RAB3GAP1: variants seen among roughly 807,000 people sequenced by gnomAD.
RAB3GAP1 encodes RAB3 GTPase activating protein catalytic subunit 1.
Under a neutral mutation model 130.7 loss-of-function variants are expected in RAB3GAP1, and 86 were observed. The ratio of observed to expected loss-of-function variants is 0.66; its 90% CI spans 0.55 to 0.79. The LOEUF is 0.79. RAB3GAP1 is among the 30% of genes least tolerant of loss of function. The pLI is 0.00. For synonymous variants in RAB3GAP1, 367 were observed against 401.7 expected (o/e 0.91, Z 1.03); for missense variants, 1,029 against 1,169.4 (o/e 0.88, Z 1.75).
rs1558766433 is a variant in RAB3GAP1, at chr2:135,081,330, ATATATATATATAT to A, written c.151-9667_151-9655del. 4.2e-3 allele frequency among the ~76,000 whole-genome samples: 314 copies of A among 75,426 alleles called. 3 individuals carry two copies. Among genetic ancestry groups the A allele is most frequent in the African/African-American group, 0.023 (284 of 12,288 alleles). The allele number at this position is 75,426 out of a possible 152,430, so 49.5% of individuals were successfully genotyped here. On this transcript the variant is annotated intron_variant, in intron 3 of 23. Transcript: ENST00000264158. ...TCAAAAAAAAAAAAAAAAAAAAAAT[ATATATATATATAT>A]ATATATATATATATATATACACACA...
At position 135,057,572 on chromosome 2, in the gene RAB3GAP1, A is replaced by G. The variant is rs184338334; in HGVS notation, c.75-439A>G. 7.5e-4 allele frequency among the ~76,000 whole-genome samples: 114 copies of G among 152,050 alleles called. 1 individual carries two copies. The East Asian group carries it at 0.019, about 25-fold the overall frequency. On this transcript the variant is annotated intron_variant, in intron 2 of 23. Transcript: ENST00000264158. ...ACCACACCGGGCTAATTTTTTTTGT[A>G]TTTGTGCTGGGCTGGTCTTGAACTC...
intron 17 of RAB3GAP1, among the ~76,000 whole-genome samples, chr2:135,139,298 T>C (rs1691770129): frequency 2.0e-5 from 3 of 152,126 alleles, no homozygotes. Flanking sequence ...CCCAGCACTT[T>C]GGGAGGCCAA....
chr2:135,162,528 C>G (rs763317931), intron 19 of RAB3GAP1, 27 bp from the exon 20 acceptor site: 2 of 1,576,360 alleles, frequency 1.3e-6, no homozygotes, highest in South Asian at 1.1e-5. Flanking sequence ...CTGCGCTGAT[C>G]ATTTGTGTGC....
At position 135,113,186 on chromosome 2, in the gene RAB3GAP1, C is replaced by G; in HGVS notation, c.398C>G (p.Ala133Gly). 2 of 1,614,110 alleles carry G rather than the reference C, an allele frequency of 1.2e-6. No individual in the cohort carries two copies. The highest frequency in any genetic ancestry group is 2.2e-5 in the East Asian group (1 of 44,880). ...GLREFVVIAPAAHSDAVLSES... is the reference protein window; with the variant it reads ...GLREFVVIAPGAHSDAVLSES... ...CGTGAGTTCGTGGTGATTGCCCCTG[C>G]TGCACACAGTGACGCTGTTCTCAGC... is the stretch of plus-strand genomic sequence containing the variant. Residue 133 changes from alanine (A) to glycine (G), a missense_variant, in exon 6 of 24, where the codon GCT (alanine) becomes GGT (glycine). This residue lies in a region of RAB3GAP1 where 510 missense variants were observed against 532.1 expected (regional missense o/e 0.96). Transcript: ENST00000264158.
chr2:135,074,610 G>A (rs146900775), intron 3 of RAB3GAP1, among the ~76,000 whole-genome samples: 4 of 152,256 alleles, frequency 2.6e-5, no homozygotes, highest in African/African-American at 9.6e-5. Context: ...GAGAGGGAAG[G>A]GAGACAGTAA....
intron 3 of RAB3GAP1, among the ~76,000 whole-genome samples, chr2:135,077,662 A>G (rs913138656): frequency 6.6e-6 from 1 of 152,238 alleles, no homozygotes; most frequent in Non-Finnish European, 1.5e-5. Context: ...GTAGCAGTTT[A>G]CATTCTCACC....
At position 135,162,792 on chromosome 2, in the gene RAB3GAP1, A is replaced by G. The variant is rs1313073659; in HGVS notation, c.2431A>G (p.Ile811Val). The G allele has an allele frequency of 6.2e-7, 1 of 1,613,808 alleles. No homozygotes were observed. Among genetic ancestry groups the G allele is most frequent in the Non-Finnish European group, 8.5e-7 (1 of 1,179,766 alleles). Reference sequence around the variant, plus strand: ...TTCAGTTAAGAAGATCATAAAGCAGATAATATCCCATTCCAGTAAAGTTTT... The same window carrying G: ...TTCAGTTAAGAAGATCATAAAGCAGGTAATATCCCATTCCAGTAAAGTTTT... ...ISSVKKIIKQIISHSSKVLHF... is the reference protein window; with the variant it reads ...ISSVKKIIKQVISHSSKVLHF... The change falls in exon 21 of 24, where the codon ATA becomes GTA. Residue 811 changes from isoleucine (I) to valine (V), a missense_variant. Ile to Val is a conservative substitution (Grantham distance 29). Coordinates refer to ENST00000264158, the MANE Select transcript of RAB3GAP1 (RefSeq NM_012233.3).
chr2:135,086,121 A>G (rs993384061), intron 3 of RAB3GAP1, among the ~76,000 whole-genome samples: 5 of 152,190 alleles, frequency 3.3e-5, no homozygotes, highest in Admixed American at 1.3e-4. Flanking sequence ...ACAGTACACT[A>G]TCCTTTCTCC....
At chr2:135,161,417 TAAACAG>T (rs2104995620) in intron 19 of RAB3GAP1, among the ~76,000 whole-genome samples, 1 of 152,212 alleles carries the variant, frequency 6.6e-6, no homozygotes, top group African/African-American at 2.4e-5. Flanking sequence ...CTGAGGGCTA[TAAACAG>T]AAACACTCCA....
At chr2:135,064,759 T>TG (rs1038058715) in intron 3 of RAB3GAP1, among the ~76,000 whole-genome samples, 4 of 150,854 alleles carry the variant, frequency 2.7e-5, no homozygotes, top group Non-Finnish European at 5.9e-5. Flanking sequence ...TGTTTTGTTT[T>TG]TTTTTTTTTT....
chr2:135,104,070 G>A (rs1385546981), intron 5 of RAB3GAP1, among the ~76,000 whole-genome samples: 1 of 152,224 alleles, frequency 6.6e-6, no homozygotes, highest in East Asian at 1.9e-4. Context: ...AGGCTCAGGT[G>A]TTTGGGCATG....
At chr2:135,118,971 G>A (rs1198357047) in intron 7 of RAB3GAP1, among the ~76,000 whole-genome samples, 1 of 152,092 alleles carries the variant, frequency 6.6e-6, no homozygotes, top group Non-Finnish European at 1.5e-5. Context: ...GGTTGTCAGT[G>A]CCGCCTTCCA....
At chr2:135,059,274 A>T (rs564839722) in intron 3 of RAB3GAP1, among the ~76,000 whole-genome samples, 73 of 152,280 alleles carry the variant, frequency 4.8e-4, no homozygotes, top group African/African-American at 1.7e-3. Flanking sequence ...TAGAGGCAAA[A>T]TAAGCTGGAT....
intron 9 of RAB3GAP1, 100 bp from the exon 10 acceptor site, chr2:135,126,081 C>G (rs1282365206): frequency 1.1e-6 from 1 of 885,064 alleles, no homozygotes; most frequent in Non-Finnish European, 1.8e-6. Context: ...AATAATGCCA[C>G]TGTAACATAC....
Position 135,116,020 on chromosome 2 carries a change from C to G in RAB3GAP1, c.648+639C>G, listed in dbSNP as rs144315567. ...GAATACCTCTAGAAAACAGAGAAAG[C>G]TAGATAACCAATAGTGGAAGGGATC... is the stretch of plus-strand genomic sequence containing the variant. On this transcript the variant is annotated intron_variant, in intron 7 of 23. Transcript: ENST00000264158. Among the ~76,000 whole-genome samples the G allele has an allele frequency of 1.6e-4, 24 of 152,210 alleles. No individual in the cohort carries two copies. The East Asian group carries it at 4.4e-3, about 28-fold the overall frequency.
intron 5 of RAB3GAP1, among the ~76,000 whole-genome samples, chr2:135,104,511 C>T (rs1366712148): frequency 6.6e-6 from 1 of 151,966 alleles, no homozygotes; most frequent in African/African-American, 2.4e-5. Context: ...CAAAGAAATA[C>T]TAACAGTGAG....
At chr2:135,123,633 C>G (rs1558787488) in intron 8 of RAB3GAP1, among the ~76,000 whole-genome samples, 1 of 152,124 alleles carries the variant, frequency 6.6e-6, no homozygotes, top group Admixed American at 6.5e-5. Context: ...CCTCTAAGTT[C>G]TCTTCCAGTC....
intron 17 of RAB3GAP1, among the ~76,000 whole-genome samples, chr2:135,138,187 A>C (rs1487224439): frequency 6.6e-6 from 1 of 151,868 alleles, no homozygotes; most frequent in Non-Finnish European, 1.5e-5. Context: ...CAACGCCTGT[A>C]ATCCCAACAC....
intron 2 of RAB3GAP1, among the ~76,000 whole-genome samples, chr2:135,054,074 G>T (rs1436385372): frequency 6.6e-6 from 1 of 152,196 alleles, no homozygotes; most frequent in Non-Finnish European, 1.5e-5. Context: ...AGGAAGACGG[G>T]ATTGGGTTAT....
Sources: gnomAD v4.1 joint callset for allele counts (sites outside exome capture counted in the v4.1 genomes callset) on GRCh38, gnomAD v4.1.1 for gene constraint, gnomAD v4.1.1 regional missense constraint, MANE v1.5 for transcripts, NCBI Gene and HGNC (gene_info 2026-07-23, HGNC 2026-07-21) for gene names.